The following AGK variants were observed in gnomAD, a reference collection of about 807,000 sequenced individuals.
AGK encodes the protein acylglycerol kinase, mitochondrial.
Under a neutral mutation model 66.4 loss-of-function variants are expected in AGK, and 52 were observed. The observed-to-expected ratio is 0.78, with a 90% confidence interval of 0.63 to 0.99. AGK has a LOEUF of 0.99. Among genes scored for constraint, AGK ranks in the 50% least tolerant of loss-of-function variants. The probability of loss-of-function intolerance (pLI) is 0.00; values close to 1 mark genes in which losing one functional copy is unlikely to be tolerated. For missense variants in AGK, 451 were observed against 506.6 expected (o/e 0.89, Z 1.05); for synonymous variants, 182 against 181.1 (o/e 1.00, Z -0.04).
intron 8 of AGK, among the ~76,000 whole-genome samples, chr7:141,618,307 A>T (rs1796750032): frequency 6.6e-6 from 1 of 152,128 alleles, no homozygotes; most frequent in African/African-American, 2.4e-5. Context: ...TTGGAGACAA[A>T]TTTCATTTTG....
At chr7:141,569,331 C>T (rs564807774) in intron 2 of AGK, among the ~76,000 whole-genome samples, 2 of 152,130 alleles carry the variant, frequency 1.3e-5, no homozygotes, top group South Asian at 2.1e-4. Flanking sequence ...GTCAGGAGAT[C>T]AAGACCATCC....
chr7:141,652,055 A>G (rs573564145), intron 15 of AGK, among the ~76,000 whole-genome samples: 90 of 152,334 alleles, frequency 5.9e-4, no homozygotes, highest in Non-Finnish European at 1.2e-3. Flanking sequence ...CATGCTTAGA[A>G]TAACCTATGT....
intron 2 of AGK, among the ~76,000 whole-genome samples, chr7:141,568,459 C>G (rs542061317): frequency 6.6e-6 from 1 of 152,160 alleles, no homozygotes; most frequent in African/African-American, 2.4e-5. Flanking sequence ...AATAGCTTGG[C>G]TCCTGCTTAG....
chr7:141,597,890 C>CAAAAAAAAAAAAAAAAAAAAAAAAAAAAA (rs56295907), intron 4 of AGK, among the ~76,000 whole-genome samples: 2 of 71,444 alleles, frequency 2.8e-5, no homozygotes, highest in African/African-American at 7.7e-5. Flanking sequence ...GACTCTGTCT[C>CAAAAAAAAAAAAAAAAAAAAAAAAAAAAA]AAAAAAAAAA....
Position 141,633,400 on chromosome 7 carries a change from A to C in AGK, c.589-501A>C, listed in dbSNP as rs1797100344. Among the ~76,000 whole-genome samples the C allele has an allele frequency of 2.0e-5, 3 of 152,348 alleles. No homozygotes were observed. In the South Asian group the frequency reaches 6.2e-4, roughly 32 times the overall value. On this transcript the variant is annotated intron_variant, in intron 9 of 15. Coordinates refer to ENST00000649286, the MANE Select transcript of AGK (RefSeq NM_018238.4). ...TATTTGGCCATAAAGCATTGGACCA[A>C]ATCCAAATCACTTTTTATTTCGACT...
intron 13 of AGK, among the ~76,000 whole-genome samples, chr7:141,647,497 C>A (rs1177923156): frequency 6.6e-6 from 1 of 152,120 alleles, no homozygotes; most frequent in Non-Finnish European, 1.5e-5. Context: ...CCAGTAGTTC[C>A]CCTTGTGTGG....
chr7:141,651,727 T>C (rs1587179478), intron 15 of AGK, 118 bp downstream of exon 15: 9 of 954,286 alleles, frequency 9.4e-6, no homozygotes, highest in East Asian at 2.5e-5. Context: ...ACATATTGTG[T>C]GCCAAGCATT....
At chr7:141,585,170 G>C (rs773627567) in intron 2 of AGK, among the ~76,000 whole-genome samples, 6 of 152,076 alleles carry the variant, frequency 3.9e-5, no homozygotes, top group East Asian at 1.9e-4. Context: ...AGATTCTGTC[G>C]GCCGAAAAGA....
chr7:141,635,204 G>A (rs979780051), intron 10 of AGK, among the ~76,000 whole-genome samples: 1 of 152,166 alleles, frequency 6.6e-6, no homozygotes, highest in African/African-American at 2.4e-5. Flanking sequence ...TCTGCACAAA[G>A]AATTTTAAAA....
intron 3 of AGK, among the ~76,000 whole-genome samples, chr7:141,595,684 C>G (rs1018520434): frequency 1.3e-5 from 2 of 152,094 alleles, no homozygotes; most frequent in Admixed American, 1.3e-4. Context: ...AATTTTTGCC[C>G]ATTTTGGTAC....
intron 11 of AGK, among the ~76,000 whole-genome samples, chr7:141,637,678 T>C (rs1358394845): frequency 6.6e-6 from 1 of 152,182 alleles, no homozygotes; most frequent in Non-Finnish European, 1.5e-5. Context: ...TATTGATAGT[T>C]TGGCCAATCT....
intron 2 of AGK, among the ~76,000 whole-genome samples, chr7:141,591,983 CATTTATG>C (rs1796132234): frequency 2.0e-5 from 3 of 152,184 alleles, no homozygotes; most frequent in Non-Finnish European, 1.5e-5. Flanking sequence ...CAAAATTCTC[CATTTATG>C]ATTTATTGTC....
intron 1 of AGK, among the ~76,000 whole-genome samples, chr7:141,554,607 C>T (rs1479277526): frequency 6.6e-6 from 1 of 152,158 alleles, no homozygotes; most frequent in Non-Finnish European, 1.5e-5. Flanking sequence ...TGGGATACAG[C>T]AGTGACCAGA....
intron 12 of AGK, 144 bp downstream of exon 12, chr7:141,641,542 C>T: frequency 1.0e-6 from 1 of 961,958 alleles, no homozygotes; most frequent in Non-Finnish European, 1.5e-6. Flanking sequence ...CTGTGTGCCA[C>T]CAGAGCAGGC....
At position 141,641,813 on chromosome 7, in the gene AGK, C is replaced by A. The variant is rs139547145; in HGVS notation, c.880C>A (p.Leu294Ile). The A allele has an allele frequency of 7.0e-6, 11 of 1,573,432 alleles. No individual in the cohort carries two copies. Among genetic ancestry groups the A allele is most frequent in the Non-Finnish European group, 8.6e-6 (10 of 1,158,238 alleles). ...ASYWAQPQDA[L>I]SQEVSPEVWK... ...CTGTATCTAATGGATTCCCACAGCC[C>A]TTTCCCAAGAGGTGAGCCCGGAGGT... The change falls in exon 13 of 16, where the codon CTT becomes ATT. Residue 294 changes from leucine to isoleucine, a missense_variant and splice_region_variant. Leu to Ile is a conservative substitution (Grantham distance 5). Coordinates refer to ENST00000649286, the MANE Select transcript of AGK (RefSeq NM_018238.4).
At chr7:141,644,499 C>T (rs1168097756) in intron 13 of AGK, among the ~76,000 whole-genome samples, 1 of 152,160 alleles carries the variant, frequency 6.6e-6, no homozygotes, top group Admixed American at 6.5e-5. Context: ...AAAAGCAGCA[C>T]ATTCAGTGTA....
intron 11 of AGK, among the ~76,000 whole-genome samples, chr7:141,638,305 T>G (rs1797217360): frequency 1.3e-5 from 2 of 152,084 alleles, no homozygotes; most frequent in Non-Finnish European, 2.9e-5. Flanking sequence ...TTTGAAACAT[T>G]TAAAGGCTGT....
At chr7:141,594,065 C>T (rs534402908) in intron 3 of AGK, 1 of 152,082 alleles carries the variant, frequency 6.6e-6, no homozygotes, top group East Asian at 1.9e-4. Flanking sequence ...CTCTTTTTAG[C>T]GATTGTTATC....
intron 9 of AGK, among the ~76,000 whole-genome samples, chr7:141,622,291 C>G (rs1796843254): frequency 6.6e-6 from 1 of 152,096 alleles, no homozygotes; most frequent in African/African-American, 2.4e-5. Context: ...ACTTTTAGAC[C>G]TTATCTTTGA....
Sources: gnomAD v4.1 joint callset for allele counts (sites outside exome capture counted in the v4.1 genomes callset) on GRCh38, gnomAD v4.1.1 for gene constraint, MANE v1.5 for transcripts, NCBI Gene and HGNC (gene_info 2026-07-23, HGNC 2026-07-21) for gene names.